The following SORBS2 variants were observed in gnomAD, a reference collection of about 807,000 sequenced individuals.
SORBS2 encodes the protein sorbin and SH3 domain containing 2.
SORBS2 carries 46 observed loss-of-function variants against 97.7 expected under a neutral mutation model. That is an observed-to-expected ratio of 0.47 (90% CI 0.37 to 0.60). The LOEUF (loss-of-function observed/expected upper bound fraction) is 0.60. Ranked by LOEUF, SORBS2 falls within the 20% of genes least tolerant of loss-of-function variation. The pLI is 0.00. For synonymous variants in SORBS2, 476 were observed against 473.4 expected (o/e 1.01, Z -0.07); for missense variants, 1,316 against 1,282.3 (o/e 1.03, Z -0.40).
At chr4:185,955,672 C>T (rs1315530824) in intron 1 of SORBS2, among the ~76,000 whole-genome samples, 1 of 152,154 alleles carries the variant, frequency 6.6e-6, no homozygotes, top group African/African-American at 2.4e-5. Context: ...ATAATTAAGG[C>T]ATCTTAATTA....
At chr4:185,809,364 G>A (rs181375429) in intron 1 of SORBS2, among the ~76,000 whole-genome samples, 7 of 140,462 alleles carry the variant, frequency 5.0e-5, no homozygotes, top group Admixed American at 4.7e-4. Context: ...AGTGAGGGGG[G>A]ATGTCTAGCT....
chr4:185,852,580 T>G (rs757662695), intron 1 of SORBS2, among the ~76,000 whole-genome samples: 2 of 152,230 alleles, frequency 1.3e-5, no homozygotes, highest in African/African-American at 2.4e-5. Flanking sequence ...TTCTAGAGAT[T>G]TCCTTGAATG....
At chr4:185,844,701 A>G (rs912589366) in intron 1 of SORBS2, among the ~76,000 whole-genome samples, 29 of 152,320 alleles carry the variant, frequency 1.9e-4, no homozygotes, top group Admixed American at 1.2e-3. Context: ...GTAGAAACAA[A>G]CCAAATGCCC....
intron 2 of SORBS2, chr4:185,757,195 A>G (rs2098836652): frequency 2.9e-6 from 1 of 344,694 alleles, no homozygotes; most frequent in Non-Finnish European, 5.5e-6. Flanking sequence ...TTTGGATCTC[A>G]GTGGCTTTTA....
intron 2 of SORBS2, among the ~76,000 whole-genome samples, chr4:185,757,612 C>T (rs1162017440): frequency 1.3e-5 from 2 of 151,970 alleles, no homozygotes; most frequent in Non-Finnish European, 2.9e-5. Flanking sequence ...AAGAGTTATT[C>T]CATGTCCTGG....
At chr4:185,806,872 G>A (rs937632506) in intron 1 of SORBS2, among the ~76,000 whole-genome samples, 1 of 152,122 alleles carries the variant, frequency 6.6e-6, no homozygotes, top group African/African-American at 2.4e-5. Context: ...GGAGCCTGAC[G>A]GGTTTATGTT....
chr4:185,660,406 G>A (rs1410677913), upstream of SORBS2, among the ~76,000 whole-genome samples: 1 of 152,086 alleles, frequency 6.6e-6, no homozygotes, highest in Admixed American at 6.5e-5. Flanking sequence ...CCACACTATG[G>A]GCTGATTGTT....
chr4:185,646,756 T>C, exon 4 of SORBS2: 1 of 1,612,548 alleles, frequency 6.2e-7, no homozygotes, highest in Non-Finnish European at 8.5e-7. Flanking sequence ...TGTGTCCACT[T>C]TTCTGTCTGG....
chr4:185,639,180 C>T (rs933946453), intron 4 of SORBS2, 145 bp from the exon 14 acceptor site: 3 of 700,072 alleles, frequency 4.3e-6, no homozygotes, highest in South Asian at 2.4e-5. Context: ...GGGACCCAGA[C>T]GCCTCGGGAG....
At chr4:185,692,694 A>G (rs2098117961) in intron 2 of SORBS2, among the ~76,000 whole-genome samples, 1 of 152,244 alleles carries the variant, frequency 6.6e-6, no homozygotes, top group Non-Finnish European at 1.5e-5. Context: ...AGAAAATAAC[A>G]TTAAAAATAC....
chr4:185,758,028 T>A (rs1221669411), intron 2 of SORBS2, among the ~76,000 whole-genome samples: 1 of 152,176 alleles, frequency 6.6e-6, no homozygotes, highest in Non-Finnish European at 1.5e-5. Context: ...TGCATATATT[T>A]TGTTTATCTA....
chr4:185,746,328 C>G (rs1335823197), intron 2 of SORBS2, among the ~76,000 whole-genome samples: 1 of 151,818 alleles, frequency 6.6e-6, no homozygotes, highest in Non-Finnish European at 1.5e-5. Context: ...TCTTTTTGTT[C>G]TTTTTTGACA....
chr4:185,587,797 G>A lies in SORBS2; in HGVS notation c.2954-109C>T, dbSNP rs546127073. ...GCCTCGGAAGACAGCAAGCCCCGAG[G>A]GGTTTGGAAAAGAAGGCAGGCAACT... On this transcript the variant is annotated intron_variant, in intron 14 of 14. Coordinates refer to ENST00000418609, the Ensembl canonical transcript of SORBS2. 17 of 853,200 alleles carry A rather than the reference G, an allele frequency of 2.0e-5. No individual in the cohort carries two copies. The African/African-American group carries it at 2.2e-4, about 11-fold the overall frequency. 52.9% of individuals were successfully genotyped at this position (853,200 alleles called of 1,614,324 possible).
chr4:185,850,765 C>T (rs973586521), intron 1 of SORBS2, among the ~76,000 whole-genome samples: 5 of 152,204 alleles, frequency 3.3e-5, no homozygotes, highest in South Asian at 2.1e-4. Context: ...GCTGGTGAAA[C>T]GTGATTTCTG....
At chr4:185,830,697 T>C (rs1466541164) in intron 1 of SORBS2, among the ~76,000 whole-genome samples, 1 of 152,204 alleles carries the variant, frequency 6.6e-6, no homozygotes, top group African/African-American at 2.4e-5. Context: ...GTTGGTGCTG[T>C]TTGTTGAAGT....
At chr4:185,624,439 G>T in exon 7 of SORBS2, 1 of 1,613,914 alleles carries the variant, frequency 6.2e-7, no homozygotes, top group Non-Finnish European at 8.5e-7. Context: ...TGGAGGGGTT[G>T]CCGTTGAGCC....
At chr4:185,694,706 C>CTTTCTT (rs1388020260) in intron 2 of SORBS2, among the ~76,000 whole-genome samples, 10 of 124,270 alleles carry the variant, frequency 8.0e-5, no homozygotes, top group African/African-American at 2.9e-4. Flanking sequence ...CCTTTTCTTT[C>CTTTCTT]TTTTCTTTTC....
At chr4:185,834,864 A>T (rs78622839) in intron 1 of SORBS2, among the ~76,000 whole-genome samples, 335 of 152,320 alleles carry the variant, frequency 2.2e-3, no homozygotes, top group African/African-American at 7.8e-3. Context: ...GCAAAGTTAT[A>T]AAATAACCAA....
chr4:185,764,101 C>T (rs2098920422), intron 2 of SORBS2, among the ~76,000 whole-genome samples: 1 of 152,088 alleles, frequency 6.6e-6, no homozygotes, highest in South Asian at 2.1e-4. Flanking sequence ...ATATTAAAAA[C>T]AGGTAGTCCT....
Sources: allele counts gnomAD v4.1 joint callset (sites outside exome capture counted in the v4.1 genomes callset), GRCh38; gene constraint gnomAD v4.1.1; transcripts MANE v1.5; gene names NCBI Gene and HGNC (gene_info 2026-07-23, HGNC 2026-07-21).